USP20: variants seen among roughly 807,000 people sequenced by gnomAD.
The protein encoded by USP20 is ubiquitin carboxyl-terminal hydrolase 20.
In USP20, 80 loss-of-function variants were observed where a neutral mutation model predicts 124.2. The observed-to-expected ratio is 0.64, with a 90% CI of 0.54 to 0.78. The LOEUF is 0.78. Ranked by LOEUF, USP20 falls within the 30% of genes least tolerant of loss-of-function variation. The pLI is 0.00. For missense variants in USP20, 1,043 were observed against 1,244.4 expected (o/e 0.84, Z 2.44); for synonymous variants, 481 against 512.3 (o/e 0.94, Z 0.83).
chr9:129,844,774 A>G (rs1420958659), intron 1 of USP20, among the ~76,000 whole-genome samples: 3 of 151,716 alleles, frequency 2.0e-5, no homozygotes, highest in African/African-American at 7.3e-5. Flanking sequence ...TCCAGCTTCT[A>G]TGAAGGTATA....
At chr9:129,873,077 CTTCT>C (rs1226536107) in intron 15 of USP20, among the ~76,000 whole-genome samples, 478 of 45,660 alleles carry the variant, frequency 0.01, 3 homozygotes, top group African/African-American at 0.025. Flanking sequence ...TCTTTTTCTT[CTTCT>C]TTTTTTTTTT....
chr9:129,877,682 G>A (rs1391566966), intron 22 of USP20, among the ~76,000 whole-genome samples: 1 of 151,176 alleles, frequency 6.6e-6, no homozygotes, highest in African/African-American at 2.4e-5. Flanking sequence ...TGGGCACAGA[G>A]TGAGACCACC....
chr9:129,874,555 G>T (rs1248014040), intron 17 of USP20, 21 bp from the exon 18 acceptor site: 1 of 1,610,574 alleles, frequency 6.2e-7, no homozygotes, highest in African/African-American at 1.3e-5. Context: ...TAGATGACCG[G>T]CGCTCTCTCT....
chr9:129,871,920 T>A (rs2034147153), intron 15 of USP20, among the ~76,000 whole-genome samples: 1 of 152,084 alleles, frequency 6.6e-6, no homozygotes, highest in South Asian at 2.1e-4. Context: ...TTCACCATGT[T>A]GGCCAGGCTG....
chr9:129,851,385 AGTAGCTGG>A (rs2032913177), intron 2 of USP20, among the ~76,000 whole-genome samples: 1 of 150,706 alleles, frequency 6.6e-6, no homozygotes, highest in Non-Finnish European at 1.5e-5. Flanking sequence ...CAGCCTCTTG[AGTAGCTGG>A]GACTACAGGC....
chr9:129,849,290 G>A (rs923313025), intron 1 of USP20, among the ~76,000 whole-genome samples: 3 of 152,218 alleles, frequency 2.0e-5, no homozygotes, highest in Admixed American at 6.5e-5. Context: ...GCCCCTGCGT[G>A]CCAGCTCTGC....
chr9:129,842,617 G>A (rs1412073049), intron 1 of USP20, among the ~76,000 whole-genome samples: 82 of 148,922 alleles, frequency 5.5e-4, no homozygotes, highest in Admixed American at 1.6e-3. Context: ...TTTTTTAGAC[G>A]GAGTCTTACT....
rs746240662 is a variant in USP20, at chr9:129,868,414, C to T, written c.1100C>T (p.Pro367Leu). The change falls in exon 11 of 26, where the codon CCG becomes CTG. Residue 367 changes from proline to leucine, a missense_variant. Pro to Leu is a moderately conservative substitution (Grantham distance 98). Coordinates refer to ENST00000372429, the MANE Select transcript of USP20 (RefSeq NM_001110303.4). ...GACCAGCCCGCGGAGGCCCAGCCCC[C>T]GTCACCACGGTCCTCCAGCCCCTGC... ...LDDQPAEAQP[P>L]SPRSSSPCRT... is the part of the protein sequence containing the mutation. The T allele has an allele frequency of 1.7e-5, 28 of 1,612,006 alleles. No homozygotes were observed. Among genetic ancestry groups the T allele is most frequent in the African/African-American group, 1.1e-4 (8 of 74,888 alleles).
At chr9:129,860,262 G>A (rs1446173726) in intron 6 of USP20, among the ~76,000 whole-genome samples, 2 of 150,926 alleles carry the variant, frequency 1.3e-5, no homozygotes, top group Admixed American at 6.6e-5. Context: ...CCTGGGAGGC[G>A]GAGCTTGCAG....
At chr9:129,863,371 T>C in intron 9 of USP20, 72 bp downstream of exon 9, 1 of 1,219,070 alleles carries the variant, frequency 8.2e-7, no homozygotes, top group Non-Finnish European at 1.2e-6. Flanking sequence ...CATGATTGAG[T>C]ACTTCCTGTG....
chr9:129,846,228 C>CACAT (rs1554742600), intron 1 of USP20, among the ~76,000 whole-genome samples: 1 of 59,416 alleles, frequency 1.7e-5, no homozygotes, highest in Non-Finnish European at 2.8e-5. Flanking sequence ...TGCGCCCAGC[C>CACAT]ATATATATAT....
chr9:129,859,300 G>A (rs990772386), intron 6 of USP20, among the ~76,000 whole-genome samples: 2 of 10,716 alleles, frequency 1.9e-4, no homozygotes, highest in Non-Finnish European at 5.7e-4. Context: ...TTGAGACCGA[G>A]TCTCGCTCTG....
At chr9:129,878,541 C>T (rs2034505463) in intron 23 of USP20, 101 bp downstream of exon 23, 2 of 1,062,366 alleles carry the variant, frequency 1.9e-6, no homozygotes, top group Middle Eastern at 3.1e-4. Flanking sequence ...CTGCAGGCCC[C>T]ATGCCTGCCC....
intron 1 of USP20, among the ~76,000 whole-genome samples, chr9:129,838,972 A>C (rs954335442): frequency 7.9e-5 from 12 of 152,214 alleles, no homozygotes; most frequent in African/African-American, 2.9e-4. Context: ...AGCTGAGCAG[A>C]AAAATGCTCT....
intron 15 of USP20, among the ~76,000 whole-genome samples, chr9:129,873,165 C>A (rs1457175617): frequency 7.2e-6 from 1 of 137,972 alleles, no homozygotes; most frequent in Non-Finnish European, 1.5e-5. Context: ...CAGCCTCTGC[C>A]CCGAGCCCCC....
intron 8 of USP20, among the ~76,000 whole-genome samples, chr9:129,862,571 T>C (rs1243238097): frequency 1.0e-5 from 1 of 100,196 alleles, no homozygotes. Context: ...AAAGAAAAAT[T>C]GACCGCACCC....
At position 129,875,292 on chromosome 9, in the gene USP20, C is replaced by T. The variant is rs779307276; in HGVS notation, c.2049-18C>T. The T allele has an allele frequency of 9.6e-5, 152 of 1,587,822 alleles. No homozygotes were observed. Among genetic ancestry groups the T allele is most frequent in the Non-Finnish European group, 1.2e-4 (141 of 1,164,956 alleles). On this transcript the variant is annotated intron_variant, in intron 19 of 25. Transcript: ENST00000372429. ...GCAGCCGTCAGGCACAGCTTCTCGC[C>T]CCCTCCTCACCCCACAGGAAGAGCA...
intron 1 of USP20, among the ~76,000 whole-genome samples, chr9:129,841,755 T>C (rs1215316122): frequency 6.6e-6 from 1 of 152,208 alleles, no homozygotes; most frequent in Non-Finnish European, 1.5e-5. Context: ...TTGCCTTTCC[T>C]GGCTTTTTCT....
chr9:129,876,237 A>C lies in USP20; in HGVS notation c.2408A>C (p.Lys803Thr). The C allele has an allele frequency of 6.2e-7, 1 of 1,610,810 alleles. No homozygotes were observed. The highest frequency in any genetic ancestry group is 8.5e-7 in the Non-Finnish European group (1 of 1,178,824). ...AGGATCGAGATCGACACCTTCATCAAGGTGCGTGCGGCGAGGCGGCGCGGG... is the reference window on the plus strand; with the variant it reads ...AGGATCGAGATCGACACCTTCATCACGGTGCGTGCGGCGAGGCGGCGCGGG... ...RRRIEIDTFI[K>T]LNKAFQAEES... Residue 803 changes from lysine to threonine, a missense_variant and splice_region_variant, in exon 22 of 26, where the codon AAG (lysine) becomes ACG (threonine). Physicochemically the swap from Lys to Thr is moderately conservative, Grantham distance 78 (BLOSUM62 -1). Transcript: ENST00000372429.
Sources: gnomAD v4.1 joint callset for allele counts (sites outside exome capture counted in the v4.1 genomes callset) on GRCh38, gnomAD v4.1.1 for gene constraint, MANE v1.5 for transcripts, NCBI Gene and HGNC (gene_info 2026-07-23, HGNC 2026-07-21) for gene names.